The following TACR3 variants were observed in gnomAD, a reference collection of about 807,000 sequenced individuals.
TACR3 encodes neuromedin-K receptor.
Under a neutral mutation model 35.0 loss-of-function variants are expected in TACR3, and 34 were observed. That is an observed-to-expected ratio of 0.97 (90% confidence interval 0.74 to 1.30). The LOEUF (loss-of-function observed/expected upper bound fraction) is 1.30, where lower values mean the gene tolerates loss of function less well. Among genes scored for constraint, TACR3 ranks in the 50% most tolerant of loss-of-function variants. The pLI is 0.00. For missense variants in TACR3, 558 were observed against 591.7 expected (o/e 0.94, Z 0.59); for synonymous variants, 233 against 221.1 (o/e 1.05, Z -0.48).
intron 3 of TACR3, among the ~76,000 whole-genome samples, chr4:103,631,509 T>C (rs997694889): frequency 6.6e-6 from 1 of 152,156 alleles, no homozygotes; most frequent in African/African-American, 2.4e-5. Context: ...CAGAAAAGTT[T>C]AATTCATTTA....
intron 1 of TACR3, among the ~76,000 whole-genome samples, chr4:103,681,412 A>T (rs529328001): frequency 6.6e-6 from 1 of 152,072 alleles, no homozygotes; most frequent in Non-Finnish European, 1.5e-5. Flanking sequence ...GAAATCATAG[A>T]TCATAAAATT....
intron 1 of TACR3, among the ~76,000 whole-genome samples, chr4:103,690,385 G>T (rs1448743472): frequency 6.6e-6 from 1 of 152,066 alleles, no homozygotes; most frequent in Non-Finnish European, 1.5e-5. Context: ...AGACAAAATA[G>T]TCTTTAAGAC....
intron 3 of TACR3, among the ~76,000 whole-genome samples, chr4:103,606,173 C>T (rs1199682275): frequency 2.0e-5 from 3 of 151,552 alleles, no homozygotes; most frequent in African/African-American, 7.3e-5. Flanking sequence ...TGTTCTGTTC[C>T]ATTGGTCTAT....
chr4:103,658,453 T>C, intron 1 of TACR3, 50 bp from the exon 2 acceptor site: 1 of 1,556,544 alleles, frequency 6.4e-7, no homozygotes, highest in Non-Finnish European at 8.8e-7. Context: ...TATAACAGAG[T>C]TTGAAATGGA....
intron 3 of TACR3, among the ~76,000 whole-genome samples, chr4:103,619,252 C>T (rs7698371): frequency 0.21 from 31,756 of 151,896 alleles, 3,535 homozygotes; most frequent in Middle Eastern, 0.32. Context: ...TTCAGTGGCA[C>T]GATCTCAACT....
At chr4:103,591,956 A>G (rs1304372972) in intron 3 of TACR3, among the ~76,000 whole-genome samples, 2 of 152,160 alleles carry the variant, frequency 1.3e-5, no homozygotes, top group East Asian at 3.9e-4. Flanking sequence ...CCTGAAGAAA[A>G]TCAGTGTTTA....
chr4:103,656,296 G>A lies in TACR3; in HGVS notation c.786C>T (p.Ile262=), dbSNP rs747663025. The change falls in exon 3 of 5, where the codon ATC becomes ATT. Residue 262 remains isoleucine, a synonymous_variant. Coordinates refer to ENST00000304883, the MANE Select transcript of TACR3 (RefSeq NM_001059.3). ...IILVYCFPLL[I]MGITYTIVGI... ...CAACAATGGTGTATGTAATACCCAT[G>A]ATGAGCAATGGGAAACAGTACACCA... The A allele has an allele frequency of 1.9e-6, 3 of 1,612,564 alleles. No individual in the cohort carries two copies. The highest frequency in any genetic ancestry group is 1.1e-5 in the South Asian group (1 of 91,060).
At chr4:103,653,270 G>A (rs1725663823) in intron 3 of TACR3, among the ~76,000 whole-genome samples, 1 of 151,616 alleles carries the variant, frequency 6.6e-6, no homozygotes, top group Non-Finnish European at 1.5e-5. Flanking sequence ...AAATCAAAAG[G>A]TAATGTTTTG....
chr4:103,690,862 T>C (rs1251936440), intron 1 of TACR3, among the ~76,000 whole-genome samples: 2 of 152,208 alleles, frequency 1.3e-5, no homozygotes, highest in South Asian at 2.1e-4. Context: ...TATAGAATTA[T>C]GTTGCACATG....
intron 1 of TACR3, among the ~76,000 whole-genome samples, chr4:103,692,600 C>T (rs909306953): frequency 2.6e-5 from 4 of 152,138 alleles, no homozygotes; most frequent in African/African-American, 7.2e-5. Flanking sequence ...ATCACCATCA[C>T]GTCAGATAAT....
chr4:103,663,936 A>T (rs892645582), intron 1 of TACR3, among the ~76,000 whole-genome samples: 4 of 152,126 alleles, frequency 2.6e-5, no homozygotes, highest in Non-Finnish European at 5.9e-5. Context: ...ATTTTATGTG[A>T]TTACATCAGC....
At chr4:103,646,702 C>G (rs1183869575) in intron 3 of TACR3, among the ~76,000 whole-genome samples, 1 of 151,874 alleles carries the variant, frequency 6.6e-6, no homozygotes, top group Non-Finnish European at 1.5e-5. Context: ...AATGTGACTA[C>G]ATTTTCTTCC....
chr4:103,704,348 T>G (rs1560538689), intron 1 of TACR3, among the ~76,000 whole-genome samples: 1 of 152,076 alleles, frequency 6.6e-6, no homozygotes, highest in Non-Finnish European at 1.5e-5. Flanking sequence ...GTCATACTCT[T>G]TATGGAAGTG....
intron 3 of TACR3, among the ~76,000 whole-genome samples, chr4:103,645,014 T>C (rs1725430548): frequency 6.6e-6 from 1 of 151,822 alleles, no homozygotes; most frequent in Non-Finnish European, 1.5e-5. Flanking sequence ...ATTTCAAGGT[T>C]TTTTTAAATT....
intron 3 of TACR3, among the ~76,000 whole-genome samples, chr4:103,612,641 T>A (rs189493625): frequency 2.0e-5 from 3 of 152,294 alleles, no homozygotes; most frequent in African/African-American, 7.2e-5. Context: ...TCTGAGTACC[T>A]GGGACTACAG....
chr4:103,630,722 C>T (rs190378080), intron 3 of TACR3, among the ~76,000 whole-genome samples: 221 of 152,244 alleles, frequency 1.5e-3, no homozygotes, highest in African/African-American at 5.0e-3. Context: ...AATGCTTTTA[C>T]ACTGTTGGTG....
intron 3 of TACR3, among the ~76,000 whole-genome samples, chr4:103,596,793 C>T (rs1724035875): frequency 6.6e-6 from 1 of 151,778 alleles, no homozygotes; most frequent in African/African-American, 2.4e-5. Context: ...GTGATGTTCC[C>T]CTTCCTGTGT....
At chr4:103,687,515 A>T (rs1722278439) in intron 1 of TACR3, among the ~76,000 whole-genome samples, 1 of 152,126 alleles carries the variant, frequency 6.6e-6, no homozygotes, top group African/African-American at 2.4e-5. Flanking sequence ...CTCAGCCCAA[A>T]ATCTCCTTAA....
intron 3 of TACR3, among the ~76,000 whole-genome samples, chr4:103,594,909 C>A (rs918758106): frequency 1.9e-5 from 2 of 105,362 alleles, no homozygotes; most frequent in Non-Finnish European, 5.0e-5. Flanking sequence ...GTACTTATTT[C>A]TATATAATAC....
Sources: allele counts gnomAD v4.1 joint callset (sites outside exome capture counted in the v4.1 genomes callset), GRCh38; gene constraint gnomAD v4.1.1; transcripts MANE v1.5; gene names NCBI Gene and HGNC (gene_info 2026-07-23, HGNC 2026-07-21).